Variants in ZC3H12B observed in about 807,000 individuals in gnomAD.
The protein encoded by ZC3H12B is zinc finger CCCH-type containing 12B.
Under a neutral mutation model 43.9 loss-of-function variants are expected in ZC3H12B, and 7 were observed. The ratio of observed to expected loss-of-function variants is 0.16; its 90% CI spans 0.09 to 0.30. ZC3H12B has a LOEUF of 0.30. ZC3H12B is among the 10% of genes least tolerant of loss of function. The pLI is 1.00. For synonymous variants in ZC3H12B, 222 were observed against 241.7 expected (o/e 0.92, Z 0.76); for missense variants, 475 against 670.2 (o/e 0.71, Z 3.22).
the ZC3H12B span, among the ~76,000 whole-genome samples, chrX:65,225,645 T>C: frequency 8.9e-6 from 1 of 111,775 alleles, no homozygotes; most frequent in East Asian, 2.8e-4. Flanking sequence ...TAGACAAATG[T>C]ATAACTAGAA....
chrX:65,379,133 G>A (rs2066396337), intron 2 of ZC3H12B, among the ~76,000 whole-genome samples: 1 of 112,226 alleles, frequency 8.9e-6, no homozygotes, highest in African/African-American at 3.2e-5. Flanking sequence ...GCCTGCCTCT[G>A]TAGGCTCCAC....
the ZC3H12B span, among the ~76,000 whole-genome samples, chrX:65,304,133 T>A: frequency 1.8e-5 from 2 of 112,321 alleles, no homozygotes; most frequent in Admixed American, 9.4e-5. Context: ...TCATCAAGAC[T>A]TAGAAATCTA....
the ZC3H12B span, among the ~76,000 whole-genome samples, chrX:65,195,460 C>T: frequency 3.6e-5 from 4 of 112,232 alleles, no homozygotes; most frequent in African/African-American, 1.3e-4. Context: ...AAAAACTCTA[C>T]ACTTTAACTT....
chrX:65,331,639 G>T, the ZC3H12B span, among the ~76,000 whole-genome samples: 2 of 110,230 alleles, frequency 1.8e-5, no homozygotes, highest in Admixed American at 1.9e-4. Context: ...AGGAATAAAA[G>T]AATGGCTACT....
At chrX:65,156,846 T>G in the ZC3H12B span, among the ~76,000 whole-genome samples, 1 of 111,980 alleles carries the variant, frequency 8.9e-6, no homozygotes. Flanking sequence ...TTTTGCTTTT[T>G]TATTGAGAAT....
chrX:65,136,676 A>G, the ZC3H12B span, among the ~76,000 whole-genome samples: 1 of 111,291 alleles, frequency 9.0e-6, no homozygotes, highest in African/African-American at 3.3e-5. Context: ...CTTCATTTCC[A>G]AGTCTGGGAT....
At chrX:65,199,536 A>C in the ZC3H12B span, among the ~76,000 whole-genome samples, 1 of 110,062 alleles carries the variant, frequency 9.1e-6, no homozygotes, top group Admixed American at 9.8e-5. Flanking sequence ...TGCACAGATC[A>C]TCCCATCACC....
At chrX:65,164,892 T>C in the ZC3H12B span, among the ~76,000 whole-genome samples, 1 of 112,070 alleles carries the variant, frequency 8.9e-6, no homozygotes, top group Non-Finnish European at 1.9e-5. Context: ...CTTGAAAATA[T>C]TAACAAGAGT....
chrX:65,056,768 G>A, the ZC3H12B span, among the ~76,000 whole-genome samples: 1 of 111,602 alleles, frequency 9.0e-6, no homozygotes. Flanking sequence ...ATGAATCTGG[G>A]TGCTCCTGTA....
intron 2 of ZC3H12B, among the ~76,000 whole-genome samples, chrX:65,390,733 A>G (rs1226987282): frequency 9.1e-6 from 1 of 110,200 alleles, no homozygotes; most frequent in Non-Finnish European, 1.9e-5. Context: ...TACGTAAGAG[A>G]TATTTACAGA....
the ZC3H12B span, among the ~76,000 whole-genome samples, chrX:65,260,143 G>A: frequency 1.8e-5 from 2 of 109,122 alleles, no homozygotes; most frequent in Non-Finnish European, 3.8e-5. Flanking sequence ...GGTGATGGGT[G>A]CACCAAAATC....
chrX:65,215,616 T>G, the ZC3H12B span, among the ~76,000 whole-genome samples: 2 of 111,410 alleles, frequency 1.8e-5, no homozygotes, highest in Admixed American at 9.6e-5. Context: ...CCACTAAAAC[T>G]TTCTCACTAA....
chrX:65,243,534 G>A, the ZC3H12B span, among the ~76,000 whole-genome samples: 1 of 111,852 alleles, frequency 8.9e-6, no homozygotes, highest in African/African-American at 3.2e-5. Context: ...ATGTAAATTA[G>A]TATAGCCACT....
At chrX:65,128,133 G>C in the ZC3H12B span, among the ~76,000 whole-genome samples, 6 of 112,284 alleles carry the variant, frequency 5.3e-5, no homozygotes, top group Admixed American at 1.9e-4. Flanking sequence ...TATCCAAGTA[G>C]GAGCTGCAAG....
Position 65,397,214 on chromosome X carries a change from TTA to T in ZC3H12B, n.296-1375_296-1374del, listed in dbSNP as rs780025047. Among the ~76,000 whole-genome samples the T allele has an allele frequency of 4.5e-5, 5 of 112,161 alleles. No homozygotes were observed. The Admixed American group carries it at 4.7e-4, about 11-fold the overall frequency. ...CCATTTACATTTAACATTAATATTG[TTA>T]TATGTGAACTTGATCCTGTCATCAT... is the stretch of plus-strand genomic sequence containing the variant. On this transcript the variant is annotated intron_variant and non_coding_transcript_variant, in intron 2 of 5. Transcript: ENST00000617377.
chrX:65,158,528 G>A, the ZC3H12B span, among the ~76,000 whole-genome samples: 8 of 112,059 alleles, frequency 7.1e-5, no homozygotes, highest in Non-Finnish European at 1.3e-4. Flanking sequence ...GCCAGTGATG[G>A]TGAGCATTTT....
chrX:65,501,539 G>C (rs1286608166), intron 4 of ZC3H12B, among the ~76,000 whole-genome samples: 1 of 111,484 alleles, frequency 9.0e-6, no homozygotes, highest in African/African-American at 3.3e-5. Flanking sequence ...ACAGACAGGA[G>C]TCACCACATC....
At chrX:65,326,560 T>A in the ZC3H12B span, among the ~76,000 whole-genome samples, 2 of 109,228 alleles carry the variant, frequency 1.8e-5, 1 homozygote, top group Non-Finnish European at 3.8e-5. Flanking sequence ...AAATATATGC[T>A]TGGATAGAAA....
the ZC3H12B span, among the ~76,000 whole-genome samples, chrX:65,164,199 C>G: frequency 1.8e-4 from 20 of 111,187 alleles, no homozygotes; most frequent in Non-Finnish European, 7.5e-5. Context: ...TGGCCAGGGA[C>G]TAGGGAATAG....
Sources: gnomAD v4.1 joint callset for allele counts (sites outside exome capture counted in the v4.1 genomes callset) on GRCh38, gnomAD v4.1.1 for gene constraint, MANE v1.5 for transcripts, NCBI Gene and HGNC (gene_info 2026-07-23, HGNC 2026-07-21) for gene names.